MDGA2: variants seen among roughly 807,000 people sequenced by gnomAD.
MDGA2 encodes the protein MAM domain containing glycosylphosphatidylinositol anchor 2.
Under a neutral mutation model 117.8 loss-of-function variants are expected in MDGA2, and 40 were observed. The ratio of observed to expected loss-of-function variants is 0.34; its 90% confidence interval spans 0.26 to 0.44. The LOEUF is 0.44. MDGA2 is among the 20% of genes least tolerant of loss of function. The probability of loss-of-function intolerance (pLI) is 1.00; values close to 1 mark genes in which losing one functional copy is unlikely to be tolerated. For synonymous variants in MDGA2, 452 were observed against 439.0 expected, an observed-to-expected ratio of 1.03 and a Z score of -0.37; for missense variants, 1,123 against 1,250.6, an observed-to-expected ratio of 0.90 and a Z score of 1.54.
intron 10 of MDGA2, among the ~76,000 whole-genome samples, chr14:46,918,777 T>TTTTTTTTTTTTTTTTTTTTTTTG (rs1884002956): frequency 6.6e-6 from 1 of 150,656 alleles, no homozygotes; most frequent in African/African-American, 2.5e-5. Context: ...TTTTTTTTTT[T>TTTTTTTTTTTTTTTTTTTTTTTG]GGAATCGGAG....
chr14:47,616,104 T>G (rs887056396), intron 1 of MDGA2, among the ~76,000 whole-genome samples: 3 of 152,198 alleles, frequency 2.0e-5, no homozygotes, highest in Admixed American at 1.3e-4. Flanking sequence ...CAATAAGCAC[T>G]GTGAGTTTCA....
At chr14:47,368,459 A>G (rs980528631) in intron 1 of MDGA2, among the ~76,000 whole-genome samples, 2 of 152,226 alleles carry the variant, frequency 1.3e-5, no homozygotes, top group Admixed American at 1.3e-4. Context: ...ATAATCATAC[A>G]GTGTAATAAA....
intron 1 of MDGA2, among the ~76,000 whole-genome samples, chr14:47,621,376 GA>G (rs1389640048): frequency 4.0e-5 from 6 of 151,664 alleles, no homozygotes; most frequent in Admixed American, 6.6e-5. Context: ...TTTTTTTAGA[GA>G]CATGGACTTG....
intron 1 of MDGA2, among the ~76,000 whole-genome samples, chr14:47,515,554 G>C (rs1894734015): frequency 6.6e-6 from 1 of 152,066 alleles, no homozygotes; most frequent in Non-Finnish European, 1.5e-5. Flanking sequence ...ATATCAACAA[G>C]TACTTAAGAC....
intron 8 of MDGA2, among the ~76,000 whole-genome samples, chr14:46,990,135 T>C (rs1407648245): frequency 6.6e-6 from 1 of 152,094 alleles, no homozygotes; most frequent in African/African-American, 2.4e-5. Context: ...TAGGTTTCAA[T>C]TTCAATGAGG....
intron 1 of MDGA2, among the ~76,000 whole-genome samples, chr14:47,633,275 C>T (rs1470249652): frequency 6.6e-6 from 1 of 152,038 alleles, no homozygotes; most frequent in Non-Finnish European, 1.5e-5. Context: ...CTGCTGAATT[C>T]TGGACACCTG....
chr14:47,326,571 A>G (rs993592522), intron 1 of MDGA2, among the ~76,000 whole-genome samples: 2 of 152,038 alleles, frequency 1.3e-5, no homozygotes, highest in Non-Finnish European at 2.9e-5. Flanking sequence ...CTCCAAATGA[A>G]TGTTTCTGCC....
At chr14:47,296,797 A>G (rs1416259266) in intron 2 of MDGA2, among the ~76,000 whole-genome samples, 3 of 152,234 alleles carry the variant, frequency 2.0e-5, no homozygotes, top group African/African-American at 7.2e-5. Context: ...TGGATTGTTT[A>G]TAACAGTGAC....
chr14:46,973,424 G>C (rs186925357), intron 8 of MDGA2, among the ~76,000 whole-genome samples: 81 of 152,196 alleles, frequency 5.3e-4, no homozygotes, highest in African/African-American at 1.1e-3. Flanking sequence ...CTATTGTGCA[G>C]CTTATACATA....
intron 6 of MDGA2, among the ~76,000 whole-genome samples, chr14:47,070,349 C>A (rs147824639): frequency 2.6e-5 from 4 of 152,214 alleles, no homozygotes; most frequent in African/African-American, 9.6e-5. Context: ...ATTGTAAATT[C>A]TTCCTCTGCT....
chr14:47,377,852 AAG>A (rs1163718308), intron 1 of MDGA2, among the ~76,000 whole-genome samples: 8 of 152,180 alleles, frequency 5.3e-5, no homozygotes, highest in Non-Finnish European at 1.2e-4. Context: ...TACAGCTGTG[AAG>A]AGAGTAGTGG....
At chr14:47,584,057 G>T (rs1896277186) in intron 1 of MDGA2, among the ~76,000 whole-genome samples, 1 of 151,708 alleles carries the variant, frequency 6.6e-6, no homozygotes, top group Non-Finnish European at 1.5e-5. Context: ...TCCCTCTGAT[G>T]ACAATATATT....
chr14:47,314,537 G>A (rs1177697827), intron 1 of MDGA2, among the ~76,000 whole-genome samples: 3 of 151,978 alleles, frequency 2.0e-5, no homozygotes, highest in Non-Finnish European at 4.4e-5. Context: ...AATTAGCTGG[G>A]CTTGGTGGCA....
At chr14:47,368,916 T>G (rs1051697076) in intron 1 of MDGA2, among the ~76,000 whole-genome samples, 1 of 152,166 alleles carries the variant, frequency 6.6e-6, no homozygotes, top group Non-Finnish European at 1.5e-5. Flanking sequence ...ATGCCATACA[T>G]GCACTCCTAA....
chr14:46,873,769 A>G (rs1882111541), intron 13 of MDGA2, 178 bp from the exon 14 acceptor site: 1 of 569,116 alleles, frequency 1.8e-6, no homozygotes. Context: ...ACAAAGAATA[A>G]ATGATCTACC....
chr14:46,845,871 G>A lies in MDGA2; in HGVS notation c.2884C>T (p.Leu962Phe), dbSNP rs760509536. The change falls in exon 16 of 17, where the codon CTC becomes TTC. Residue 962 changes from leucine (L) to phenylalanine (F), a missense_variant and splice_region_variant. By Grantham distance (22) the Leu-to-Phe change is conservative. This residue lies in a region of MDGA2 where 890 missense variants were observed against 1,050.3 expected (regional missense o/e 0.85). Coordinates refer to ENST00000399232, the MANE Select transcript of MDGA2 (RefSeq NM_001113498.3). The stretch of plus-strand genomic sequence containing the variant: ...GGACCTCGGATACCTTCAAAAATGA[G>A]CTACAAATATGAATGAAACAAACCT... ...VNIYPITSFQ[L>F]IFEGIRGPGI... 8 of 1,606,806 alleles carry A rather than the reference G, an allele frequency of 5.0e-6. No homozygotes were observed. In the Admixed American group the frequency reaches 1.0e-4, roughly 20 times the overall value.
intron 1 of MDGA2, among the ~76,000 whole-genome samples, chr14:47,406,695 T>A (rs1419419768): frequency 2.6e-5 from 4 of 152,044 alleles, no homozygotes; most frequent in Non-Finnish European, 5.9e-5. Flanking sequence ...ATAGGTGTGG[T>A]TCAATGACTC....
intron 1 of MDGA2, among the ~76,000 whole-genome samples, chr14:47,664,373 T>A (rs1897904079): frequency 6.6e-6 from 1 of 152,198 alleles, no homozygotes; most frequent in African/African-American, 2.4e-5. Flanking sequence ...GTTCAACTGC[T>A]AGAGCATCTA....
At chr14:47,113,479 A>G (rs186202837) in intron 5 of MDGA2, among the ~76,000 whole-genome samples, 111 of 152,338 alleles carry the variant, frequency 7.3e-4, no homozygotes, top group Middle Eastern at 3.4e-3. Context: ...CTGCAGGCCA[A>G]TATCTCTGAT....
Sources: gnomAD v4.1 joint callset for allele counts (sites outside exome capture counted in the v4.1 genomes callset) on GRCh38, gnomAD v4.1.1 for gene constraint, gnomAD v4.1.1 regional missense constraint, MANE v1.5 for transcripts, NCBI Gene and HGNC (gene_info 2026-07-23, HGNC 2026-07-21) for gene names.